Variants in RIMS2 observed in about 807,000 individuals in gnomAD.
The protein encoded by RIMS2 is regulating synaptic membrane exocytosis 2.
A neutral mutation model predicts 174.4 loss-of-function variants in RIMS2; 59 were observed. That is an observed-to-expected ratio of 0.34 (90% CI 0.27 to 0.42). The LOEUF (loss-of-function observed/expected upper bound fraction) is 0.42. Ranked by LOEUF, RIMS2 falls within the 10% of genes least tolerant of loss-of-function variation. The pLI is 1.00. For missense variants in RIMS2, 1,620 were observed against 1,666.3 expected (o/e 0.97, Z 0.48); for synonymous variants, 606 against 572.5 (o/e 1.06, Z -0.84).
intron 15 of RIMS2, among the ~76,000 whole-genome samples, chr8:103,964,688 T>C (rs949251439): frequency 1.3e-5 from 2 of 152,198 alleles, no homozygotes; most frequent in African/African-American, 4.8e-5. Context: ...AGGTTATTAA[T>C]CATTTCTTTC....
At chr8:103,720,654 A>G (rs1242180794) in intron 2 of RIMS2, among the ~76,000 whole-genome samples, 1 of 152,204 alleles carries the variant, frequency 6.6e-6, no homozygotes, top group Non-Finnish European at 1.5e-5. Context: ...TTGTTTAACT[A>G]GGAAATTAGA....
intron 1 of RIMS2, among the ~76,000 whole-genome samples, chr8:103,522,080 C>T (rs1831974610): frequency 1.3e-5 from 2 of 152,002 alleles, no homozygotes; most frequent in Admixed American, 6.6e-5. Context: ...CAGTTTCTTC[C>T]TCAAAGAAAA....
At chr8:103,614,578 G>A (rs1429867938) in intron 1 of RIMS2, among the ~76,000 whole-genome samples, 1 of 152,166 alleles carries the variant, frequency 6.6e-6, no homozygotes, top group East Asian at 1.9e-4. Flanking sequence ...ATTCATGCAG[G>A]GCAACAAATG....
At chr8:103,939,311 T>C (rs966821659) in intron 13 of RIMS2, among the ~76,000 whole-genome samples, 1 of 152,220 alleles carries the variant, frequency 6.6e-6, no homozygotes, top group South Asian at 2.1e-4. Flanking sequence ...ACCTGCAGGC[T>C]CAACACCATG....
chr8:104,033,279 G>A (rs2096439958), intron 19 of RIMS2, among the ~76,000 whole-genome samples: 1 of 151,742 alleles, frequency 6.6e-6, no homozygotes, highest in Non-Finnish European at 1.5e-5. Context: ...AAGTAAACAA[G>A]ATAAATATAA....
chr8:103,918,350 T>A lies in RIMS2; in HGVS notation c.2037-91T>A. On this transcript the variant is annotated intron_variant, in intron 8 of 23. Coordinates refer to ENST00000504942, the Ensembl canonical transcript of RIMS2. ...ACACAGTTTTCTTCATTTTACACTC[T>A]CCTATTAATAGGTTGATAATAATAA... is the stretch of plus-strand genomic sequence containing the variant. 3 of 701,934 alleles carry A rather than the reference T, an allele frequency of 4.3e-6. 1 individual carries two copies. The South Asian group carries it at 7.2e-5, about 17-fold the overall frequency. 43.5% of individuals were successfully genotyped at this position (701,934 alleles called of 1,614,324 possible).
intron 3 of RIMS2, among the ~76,000 whole-genome samples, chr8:103,795,116 C>T (rs187956035): frequency 3.3e-5 from 5 of 152,310 alleles, no homozygotes; most frequent in African/African-American, 9.6e-5. Context: ...AATCATGCTG[C>T]TATACAGACA....
chr8:103,918,456 A>C, exon 9 of RIMS2: 3 of 1,593,464 alleles, frequency 1.9e-6, no homozygotes, highest in Non-Finnish European at 2.6e-6. Context: ...TACCGCGAAT[A>C]CCTGATAGCA....
chr8:104,179,172 C>T (rs2098924934), intron 19 of RIMS2, among the ~76,000 whole-genome samples: 1 of 151,926 alleles, frequency 6.6e-6, no homozygotes, highest in African/African-American at 2.4e-5. Context: ...AAGAATACCT[C>T]AGGTTAATCT....
intron 19 of RIMS2, among the ~76,000 whole-genome samples, chr8:104,114,909 A>G (rs942982506): frequency 6.6e-6 from 1 of 152,050 alleles, no homozygotes; most frequent in African/African-American, 2.4e-5. Flanking sequence ...ACATTGAAGG[A>G]TTGCAAATAT....
chr8:103,826,591 A>G (rs561066596), intron 3 of RIMS2, among the ~76,000 whole-genome samples: 1 of 151,658 alleles, frequency 6.6e-6, no homozygotes, highest in Non-Finnish European at 1.5e-5. Flanking sequence ...GTCTTACTTT[A>G]TAGTAATTTT....
intron 3 of RIMS2, among the ~76,000 whole-genome samples, chr8:103,782,114 CT>C (rs199550397): frequency 1.6e-3 from 224 of 142,130 alleles, no homozygotes; most frequent in East Asian, 0.014. Context: ...TTTCTGTTTT[CT>C]TTTTTTTTTT....
chr8:103,612,409 C>G (rs1325875136), intron 1 of RIMS2, among the ~76,000 whole-genome samples: 1 of 152,114 alleles, frequency 6.6e-6, no homozygotes, highest in Non-Finnish European at 1.5e-5. Flanking sequence ...ACAGTCTGGG[C>G]TTGTTTCTAC....
exon 2 of RIMS2, chr8:103,697,281 A>C: frequency 6.2e-7 from 1 of 1,612,860 alleles, no homozygotes. Context: ...GTCGAGTGTC[A>C]TTACGCTCAA....
Position 104,081,175 on chromosome 8 carries a change from G to A in RIMS2, c.3334+66560G>A, listed in dbSNP as rs961907308. Among the ~76,000 whole-genome samples, 16 of 151,856 alleles carry A rather than the reference G, an allele frequency of 1.1e-4. No homozygotes were observed. In the East Asian group the frequency reaches 1.7e-3, roughly 16 times the overall value. On this transcript the variant is annotated intron_variant, in intron 19 of 23. Transcript: ENST00000504942. ...CATTTTCAGGTCATTTTTATGACTC[G>A]GAATGCTTACAAACAAGGCCAACAG...
chr8:103,868,634 T>C (rs2099095032), intron 3 of RIMS2, among the ~76,000 whole-genome samples: 1 of 152,130 alleles, frequency 6.6e-6, no homozygotes, highest in African/African-American at 2.4e-5. Flanking sequence ...TTCATGGTTT[T>C]TGAGACAGTA....
intron 19 of RIMS2, among the ~76,000 whole-genome samples, chr8:104,122,250 G>T (rs2098385439): frequency 6.6e-6 from 1 of 151,934 alleles, no homozygotes; most frequent in African/African-American, 2.4e-5. Flanking sequence ...GTGGGTGATT[G>T]AAATTAACAG....
At chr8:103,981,788 CAGA>C (rs1001473547) in intron 16 of RIMS2, among the ~76,000 whole-genome samples, 1 of 151,662 alleles carries the variant, frequency 6.6e-6, no homozygotes, top group Non-Finnish European at 1.5e-5. Context: ...ATAGATCAAG[CAGA>C]AGAATTAGTG....
chr8:104,211,936 T>G (rs1346046685), intron 19 of RIMS2, among the ~76,000 whole-genome samples: 1 of 152,134 alleles, frequency 6.6e-6, no homozygotes, highest in African/African-American at 2.4e-5. Flanking sequence ...AGAAGTAGGA[T>G]CGACAGAATT....
Sources: allele counts gnomAD v4.1 joint callset (sites outside exome capture counted in the v4.1 genomes callset), GRCh38; gene constraint gnomAD v4.1.1; transcripts MANE v1.5; gene names NCBI Gene and HGNC (gene_info 2026-07-23, HGNC 2026-07-21).